The following STARD8 variants were observed in gnomAD, a reference collection of about 807,000 sequenced individuals.
STARD8 encodes the protein StAR related lipid transfer domain containing 8.
Under a neutral mutation model 69.4 loss-of-function variants are expected in STARD8, and 25 were observed. That is an observed-to-expected ratio of 0.36 (90% CI 0.26 to 0.50). The LOEUF (loss-of-function observed/expected upper bound fraction) is 0.50. Ranked by LOEUF, STARD8 falls within the 20% of genes least tolerant of loss-of-function variation. The pLI is 0.96. For synonymous variants in STARD8, 389 were observed against 374.6 expected (o/e 1.04, Z -0.45); for missense variants, 921 against 932.5 (o/e 0.99, Z 0.16).
chrX:68,670,616 A>C (rs2079722394), intron 2 of STARD8, among the ~76,000 whole-genome samples: 2 of 111,168 alleles, frequency 1.8e-5, no homozygotes. Flanking sequence ...CCAAATCAGG[A>C]GCTGGAGAGG....
chrX:68,682,395 T>A (rs961144441), intron 2 of STARD8, among the ~76,000 whole-genome samples: 4 of 112,604 alleles, frequency 3.6e-5, no homozygotes, highest in Admixed American at 9.4e-5. Context: ...ATACAGCCCC[T>A]GGCTGAGAGA....
At chrX:68,700,211 A>C (rs1421040380) in intron 2 of STARD8, among the ~76,000 whole-genome samples, 1 of 112,139 alleles carries the variant, frequency 8.9e-6, no homozygotes, top group Non-Finnish European at 1.9e-5. Flanking sequence ...GATGACTATG[A>C]GTCCTCCCAT....
At chrX:68,670,816 C>T (rs1409216876) in intron 2 of STARD8, among the ~76,000 whole-genome samples, 1 of 111,815 alleles carries the variant, frequency 8.9e-6, no homozygotes, top group Non-Finnish European at 1.9e-5. Context: ...TGCACCCAGC[C>T]ACTCCAGCAA....
intron 2 of STARD8, among the ~76,000 whole-genome samples, chrX:68,702,471 T>C (rs1298323619): frequency 8.9e-6 from 1 of 112,395 alleles, no homozygotes; most frequent in African/African-American, 3.2e-5. Context: ...ACATACAGGA[T>C]GATCAAGTGC....
chrX:68,667,066 G>T (rs1175974349), intron 2 of STARD8, among the ~76,000 whole-genome samples: 1 of 112,412 alleles, frequency 8.9e-6, no homozygotes, highest in Non-Finnish European at 1.9e-5. Context: ...TTACTGGGTA[G>T]GGTCAGGCAG....
At chrX:68,683,545 G>A (rs978096409) in intron 2 of STARD8, among the ~76,000 whole-genome samples, 62 of 111,991 alleles carry the variant, frequency 5.5e-4, no homozygotes, top group Non-Finnish European at 1.1e-3. Context: ...GGCATATGAA[G>A]GTATTAGACC....
At chrX:68,657,792 G>A (rs992302970) in intron 1 of STARD8, among the ~76,000 whole-genome samples, 3 of 110,151 alleles carry the variant, frequency 2.7e-5, no homozygotes, top group Admixed American at 9.7e-5. Flanking sequence ...TGATTTACTC[G>A]AGTCATGTGA....
intron 1 of STARD8, among the ~76,000 whole-genome samples, chrX:68,659,092 C>T (rs1369176771): frequency 8.9e-6 from 1 of 112,173 alleles, no homozygotes; most frequent in Admixed American, 9.4e-5. Flanking sequence ...TCTGCCTCCT[C>T]TTCTCTTCTC....
chrX:68,668,258 CTTTCTTTCTTTCTTTCTCTT>C (rs1285582887), intron 2 of STARD8, among the ~76,000 whole-genome samples: 2 of 82,590 alleles, frequency 2.4e-5, no homozygotes, highest in African/African-American at 1.1e-4. Context: ...TTCTTTCTTT[CTTTCTTTCTTTCTTTCTCTT>C]TCTTTCTTTC....
chrX:68,696,085 A>G (rs954786310), intron 2 of STARD8, among the ~76,000 whole-genome samples: 2 of 112,724 alleles, frequency 1.8e-5, no homozygotes, highest in African/African-American at 6.4e-5. Flanking sequence ...AAAGAAGAGA[A>G]GGACCTTTTG....
chrX:68,649,992 C>T (rs1010140878), intron 1 of STARD8, among the ~76,000 whole-genome samples: 5 of 111,136 alleles, frequency 4.5e-5, no homozygotes, highest in Non-Finnish European at 7.5e-5. Context: ...TGAGGTTTGA[C>T]GCCCGAGAGG....
chrX:68,668,462 G>A (rs1243781133), intron 2 of STARD8, among the ~76,000 whole-genome samples: 2 of 108,508 alleles, frequency 1.8e-5, no homozygotes, highest in Non-Finnish European at 3.8e-5. Context: ...CAATAGCTGG[G>A]ACTACAGGGG....
chrX:68,678,095 C>A (rs1011327109), intron 2 of STARD8, among the ~76,000 whole-genome samples: 1 of 110,287 alleles, frequency 9.1e-6, no homozygotes, highest in Admixed American at 9.7e-5. Context: ...TGGGAAGGGG[C>A]GAGACTCTGC....
chrX:68,703,423 G>A (rs993703896), intron 2 of STARD8, among the ~76,000 whole-genome samples: 10 of 112,548 alleles, frequency 8.9e-5, no homozygotes, highest in Non-Finnish European at 1.9e-4. Flanking sequence ...CCCTACCATG[G>A]CCTGAGCATG....
At chrX:68,657,143 G>A (rs2079616177) in intron 1 of STARD8, among the ~76,000 whole-genome samples, 1 of 111,877 alleles carries the variant, frequency 8.9e-6, no homozygotes. Context: ...TAGAAAAGGG[G>A]CACATAGTAA....
chrX:68,661,994 T>C (rs868129831), intron 1 of STARD8, among the ~76,000 whole-genome samples: 1 of 90,595 alleles, frequency 1.1e-5, no homozygotes, highest in African/African-American at 4.5e-5. Flanking sequence ...CTTTCTTTCT[T>C]TCTTTCTTTC....
At chrX:68,667,132 G>A (rs968618760) in intron 2 of STARD8, among the ~76,000 whole-genome samples, 1 of 112,125 alleles carries the variant, frequency 8.9e-6, no homozygotes, top group Non-Finnish European at 1.9e-5. Context: ...TATTTCTTAG[G>A]TTAAAGTTTG....
chrX:68,713,928 C>T (rs2080071730), intron 3 of STARD8, among the ~76,000 whole-genome samples: 1 of 112,060 alleles, frequency 8.9e-6, no homozygotes, highest in Admixed American at 9.4e-5. Flanking sequence ...ACCATTTACC[C>T]ACTTGCTCAA....
At position 68,655,220 on chromosome X, in the gene STARD8, A is replaced by ATG. The variant is rs772689887; in HGVS notation, c.45+7309_45+7310dup. On this transcript the variant is annotated intron_variant, in intron 1 of 14. Coordinates refer to ENST00000374599, the MANE Select transcript of STARD8 (RefSeq NM_001142503.3). ...TATTGCAGATCCCTTCGTCAGTCTG[A>ATG]TGTGTGTGTGTGTGTGTCTGTCTGT... is the stretch of plus-strand genomic sequence containing the variant. Among the ~76,000 whole-genome samples the ATG allele has an allele frequency of 4.8e-3, 531 of 110,722 alleles. 5 individuals carry two copies. The highest frequency in any genetic ancestry group is 0.016 in the African/African-American group (501 of 30,480).
Sources: gnomAD v4.1 joint callset for allele counts (sites outside exome capture counted in the v4.1 genomes callset) on GRCh38, gnomAD v4.1.1 for gene constraint, MANE v1.5 for transcripts, NCBI Gene and HGNC (gene_info 2026-07-23, HGNC 2026-07-21) for gene names.